The following FAM3A variants were observed in gnomAD, a reference collection of about 807,000 sequenced individuals.
The protein encoded by FAM3A is FAM3 metabolism regulating signaling molecule A, also known as protein FAM3A.
Under a neutral mutation model 18.1 loss-of-function variants are expected in FAM3A, and 5 were observed. The ratio of observed to expected loss-of-function variants is 0.28; its 90% CI spans 0.14 to 0.58. The LOEUF is 0.58. FAM3A is among the 20% of genes least tolerant of loss of function. The probability of loss-of-function intolerance (pLI) is 0.91; values close to 1 mark genes in which losing one functional copy is unlikely to be tolerated. For synonymous variants in FAM3A, 108 were observed against 90.2 expected (o/e 1.20, Z -1.12); for missense variants, 154 against 216.6 (o/e 0.71, Z 1.81).
chrX:154,508,922 C>T (rs1603403794), intron 3 of FAM3A: 1 of 348,363 alleles, frequency 2.9e-6, no homozygotes. Flanking sequence ...TGGATGAGGC[C>T]AACCTGAGCA....
rs113124160 is a variant in FAM3A at position 154,506,441 on chromosome X, G to A, written c.*370C>T. ...GTTCTGGAAGACGCCCCAACCTGCC[G>A]GGCTGCTCCCAGAGATGCACAGTGA... is the stretch of plus-strand genomic sequence containing the variant. On this transcript the variant is annotated 3_prime_UTR_variant, in exon 9 of 9. Coordinates refer to ENST00000447601, the MANE Select transcript of FAM3A (RefSeq NM_021806.4). 0.036 allele frequency: 7,510 copies of A among 209,602 alleles called. 512 individuals are homozygous for A. Among genetic ancestry groups the A allele is most frequent in the African/African-American group, 0.2 (6,787 of 34,768 alleles). 17.3% of individuals were successfully genotyped at this position (209,602 alleles called of 1,213,427 possible).
rs371771686 is a variant in FAM3A at position 154,508,323 on chromosome X, G to A, written c.300C>T (p.Asn100=). Residue 100 remains asparagine (N), a synonymous_variant, in exon 5 of 9, where the codon AAC becomes AAT. Transcript: ENST00000447601. The stretch of plus-strand genomic sequence containing the variant: ...GGGCGATGTTCAGCCCGCGGCCCAC[G>A]TTGTCCTTGACGCTGCTCATCAGCC... ...DKMLMSSVKD[N]VGRGLNIALV... 1.2e-4 allele frequency: 122 copies of A among 1,034,498 alleles called. No homozygotes were observed. Among genetic ancestry groups the A allele is most frequent in the African/African-American group, 3.6e-4 (16 of 45,023 alleles). The allele number at this position is 1,034,498 out of a possible 1,213,427, so 85.3% of individuals were successfully genotyped here.
chrX:154,511,899 T>C (rs1557222910), intron 2 of FAM3A, 28 bp from the exon 3 acceptor site: 4 of 1,201,173 alleles, frequency 3.3e-6, no homozygotes, highest in Non-Finnish European at 3.4e-6. Context: ...TTTCTGTTAG[T>C]GTGGAGCCTC....
Position 154,506,197 on chromosome X carries a change from G to C in FAM3A, c.*614C>G, listed in dbSNP as rs1557217585. The C allele has an allele frequency of 1.8e-5, 2 of 113,703 alleles. No individual in the cohort carries two copies. Among genetic ancestry groups the C allele is most frequent in the Admixed American group, 9.1e-5 (1 of 11,004 alleles). The allele number at this position is 113,703 out of a possible 1,213,427, so 9.4% of individuals were successfully genotyped here. ...TCTGTGGGGCCATCACTTTATTAAG[G>C]GGTCATCTAGAAGGTGGGCCCCCTG... On this transcript the variant is annotated 3_prime_UTR_variant, in exon 9 of 9. Transcript: ENST00000447601.
At position 154,507,878 on chromosome X, in the gene FAM3A, G is replaced by A. The variant is rs782752633; in HGVS notation, c.335-17C>T. ...CGCTGACCCCTGTGTCAGGAGGGAG[G>A]GGCCCTGCTGGGTAAGCCAGGCCAG... On this transcript the variant is annotated splice_polypyrimidine_tract_variant and intron_variant, in intron 5 of 8. Transcript: ENST00000447601. 2 of 1,182,498 alleles carry A rather than the reference G, an allele frequency of 1.7e-6. No individual in the cohort carries two copies. The highest frequency in any genetic ancestry group is 3.1e-5 in the East Asian group (1 of 32,754).
intron 2 of FAM3A, among the ~76,000 whole-genome samples, 186 bp downstream of exon 2, chrX:154,512,637 T>TG (rs2069956793): frequency 9.0e-6 from 1 of 111,265 alleles, no homozygotes; most frequent in Admixed American, 9.5e-5. Context: ...CTTTCCTAGA[T>TG]GAAGCAACTG....
In FAM3A at chrX:154,506,553, G is replaced by T; in HGVS notation, c.*258C>A. The T allele has an allele frequency of 7.9e-6, 3 of 381,671 alleles. No individual in the cohort carries two copies. In the South Asian group the frequency reaches 1.1e-4, roughly 14 times the overall value. 31.5% of individuals were successfully genotyped at this position (381,671 alleles called of 1,213,427 possible). On this transcript the variant is annotated 3_prime_UTR_variant, in exon 9 of 9. Transcript: ENST00000447601. The stretch of plus-strand genomic sequence containing the variant: ...GAGGACAGGGCTAGATGGGCTGACC[G>T]GGGGGAACAGTGTTACGAAAAGGAG...
chrX:154,508,322 C>T lies in FAM3A; in HGVS notation c.301G>A (p.Val101Met). The T allele has an allele frequency of 9.6e-7, 1 of 1,041,896 alleles. No individual in the cohort carries two copies. The highest frequency in any genetic ancestry group is 1.2e-6 in the Non-Finnish European group (1 of 810,912). 85.9% of individuals were successfully genotyped at this position (1,041,896 alleles called of 1,213,427 possible). The change falls in exon 5 of 9, where the codon GTG (valine) becomes ATG (methionine). Residue 101 changes from valine (V) to methionine (M), a missense_variant. Coordinates refer to ENST00000447601, the MANE Select transcript of FAM3A (RefSeq NM_021806.4). Reference protein sequence around the residue: ...KMLMSSVKDNVGRGLNIALVN... With the variant: ...KMLMSSVKDNMGRGLNIALVN... ...AGGGCGATGTTCAGCCCGCGGCCCA[C>T]GTTGTCCTTGACGCTGCTCATCAGC...
At chrX:154,515,409 T>C (rs2148317403) in intron 1 of FAM3A, among the ~76,000 whole-genome samples, 1 of 111,761 alleles carries the variant, frequency 8.9e-6, no homozygotes, top group Non-Finnish European at 1.9e-5. Flanking sequence ...ATCGGGTTCA[T>C]GTCGAAGCCC....
At chrX:154,507,104 T>A (rs781895263) in intron 8 of FAM3A, 99 bp downstream of exon 8, 12 of 1,075,815 alleles carry the variant, frequency 1.1e-5, no homozygotes, top group Non-Finnish European at 1.5e-5. Context: ...CTGGGGACGG[T>A]CCCCTGCTGG....
chrX:154,513,438 T>A (rs782085201), intron 1 of FAM3A, among the ~76,000 whole-genome samples: 2 of 110,862 alleles, frequency 1.8e-5, no homozygotes, highest in Admixed American at 1.9e-4. Context: ...GAGACCAGCC[T>A]GACAAAGATG....
rs1557220458 is a variant in FAM3A at position 154,508,358 on chromosome X, G to T, written c.276-11C>A. ...ACGCTGCTCATCAGCCTAGTTGGGG[G>T]GGGGTGGGGGGGACGGGGAGATCCC... On this transcript the variant is annotated splice_polypyrimidine_tract_variant and intron_variant, in intron 4 of 8. Coordinates refer to ENST00000447601, the MANE Select transcript of FAM3A (RefSeq NM_021806.4). 14 of 447,042 alleles carry T rather than the reference G, an allele frequency of 3.1e-5. No homozygotes were observed. The highest frequency in any genetic ancestry group is 4.7e-5 in the Non-Finnish European group (13 of 277,004). 36.8% of individuals were successfully genotyped at this position (447,042 alleles called of 1,213,427 possible).
chrX:154,507,748 C>G (rs1346053552), intron 6 of FAM3A, 63 bp downstream of exon 6: 9 of 1,054,503 alleles, frequency 8.5e-6, no homozygotes, highest in Middle Eastern at 2.5e-4. Flanking sequence ...AGCAGTGTCT[C>G]AGGGGAAGCT....
chrX:154,515,630 CAG>C lies in FAM3A; in HGVS notation c.13+128_13+129del, dbSNP rs781790093. 2.7e-4 allele frequency: 191 copies of C among 697,399 alleles called. No homozygotes were observed. In the East Asian group the frequency reaches 5.6e-3, roughly 21 times the overall value. 57.5% of individuals were successfully genotyped at this position (697,399 alleles called of 1,213,427 possible). A position where few individuals can be genotyped will look rare whatever the true frequency, so the allele number is the denominator to read the frequency against. On this transcript the variant is annotated intron_variant, in intron 1 of 8. Transcript: ENST00000447601. ...TAAGGTCAAGGAACGAGTGTTTGTG[CAG>C]AGTCCTCCATTTCCAAAACCAAACC...
chrX:154,508,372 C>T lies in FAM3A; in HGVS notation c.276-25G>A, dbSNP rs782636703. ...CCTAGTTGGGGGGGGGTGGGGGGGA[C>T]GGGGAGATCCCACATGGGCACGTCT... On this transcript the variant is annotated intron_variant, in intron 4 of 8. Transcript: ENST00000447601. 4.1e-5 allele frequency: 43 copies of T among 1,048,864 alleles called. No individual in the cohort carries two copies. In the South Asian group the frequency reaches 6.6e-4, roughly 16 times the overall value. The allele number at this position is 1,048,864 out of a possible 1,213,427, so 86.4% of individuals were successfully genotyped here. A position where few individuals can be genotyped will look rare whatever the true frequency, so the allele number is the denominator to read the frequency against.
chrX:154,511,825 C>T (rs782657572), intron 3 of FAM3A, 23 bp downstream of exon 3: 1 of 1,201,715 alleles, frequency 8.3e-7, no homozygotes, highest in East Asian at 3.0e-5. Context: ...AGGGGAGGAG[C>T]AGGGAGGTGA....
Position 154,512,860 on chromosome X carries a change from A to G in FAM3A, c.90T>C (p.Pro30=), listed in dbSNP as rs1557223647. Residue 30 remains proline (P), a synonymous_variant, in exon 2 of 9, where the codon CCT becomes CCC. Coordinates refer to ENST00000447601, the MANE Select transcript of FAM3A (RefSeq NM_021806.4). ...GCTGGATGCGAGGAAAGCCACTGCCAGGCCCACCCAGGAGGATGCTGACCA... is the reference window on the plus strand; with the variant it reads ...GCTGGATGCGAGGAAAGCCACTGCCGGGCCCACCCAGGAGGATGCTGACCA... The part of the protein sequence containing the change: ...WIVVSILLGG[P]GSGFPRIQQL... The G allele has an allele frequency of 4.1e-6, 5 of 1,210,828 alleles. No homozygotes were observed. In the South Asian group the frequency reaches 7.0e-5, roughly 17 times the overall value.
rs782427656 is a variant in FAM3A at position 154,507,300 on chromosome X, C to T, written c.500G>A (p.Ser167Asn). The T allele has an allele frequency of 5.8e-6, 7 of 1,210,244 alleles. No homozygotes were observed. In the East Asian group the frequency reaches 1.8e-4, roughly 31 times the overall value. Residue 167 changes from serine (S) to asparagine (N), a missense_variant, in exon 8 of 9, where the codon AGT (serine) becomes AAT (asparagine). This residue lies in a region of FAM3A where 112 missense variants were observed against 160.0 expected (regional missense o/e 0.70). Transcript: ENST00000447601. ...CTTGGCGTTCCTGCTGCCCAGCTCA[C>T]TGAAGAGCTTTCTGGTCTCTTCATT... is the stretch of plus-strand genomic sequence containing the variant. Reference protein sequence around the residue: ...KMNEETRKLFSELGSRNAKEL... With the variant: ...KMNEETRKLFNELGSRNAKEL...
intron 6 of FAM3A, 53 bp from the exon 7 acceptor site, chrX:154,507,543 T>TC (rs1169764634): frequency 1.8e-6 from 2 of 1,107,029 alleles, no homozygotes; most frequent in Non-Finnish European, 2.5e-6. Context: ...CTGAGCACCC[T>TC]CCCACAAGCC....
Sources: gnomAD v4.1 joint callset for allele counts (sites outside exome capture counted in the v4.1 genomes callset) on GRCh38, gnomAD v4.1.1 for gene constraint, gnomAD v4.1.1 regional missense constraint, MANE v1.5 for transcripts, NCBI Gene and HGNC (gene_info 2026-07-23, HGNC 2026-07-21) for gene names.